Variants in SAMD12 observed in about 807,000 individuals in gnomAD.
The protein encoded by SAMD12 is sterile alpha motif domain containing 12, also known as sterile alpha motif domain-containing protein 12.
SAMD12 carries 9 observed loss-of-function variants against 15.0 expected under a neutral mutation model. The ratio of observed to expected loss-of-function variants is 0.60; its 90% CI spans 0.36 to 1.05. The LOEUF (loss-of-function observed/expected upper bound fraction) is 1.05, where lower values mean the gene tolerates loss of function less well. SAMD12 is among the 50% of genes least tolerant of loss of function. The pLI is 0.01. For missense variants in SAMD12, 230 were observed against 234.2 expected (o/e 0.98, Z 0.12); for synonymous variants, 86 against 90.1 (o/e 0.96, Z 0.25).
chr8:118,589,211 C>G (rs7823569), intron 1 of SAMD12, among the ~76,000 whole-genome samples: 15,355 of 152,140 alleles, frequency 0.1, 920 homozygotes, highest in African/African-American at 0.16. Context: ...TGCTATTGTC[C>G]TCACAAATCT....
the SAMD12 span, among the ~76,000 whole-genome samples, chr8:118,165,620 A>ATACATATATACATATATATATG: frequency 7.6e-6 from 1 of 132,300 alleles, no homozygotes; most frequent in South Asian, 2.6e-4. Context: ...ATATGTATAT[A>ATACATATATACATATATATATG]TATATATATA....
At chr8:118,293,558 C>G (rs1814534690) in intron 4 of SAMD12, among the ~76,000 whole-genome samples, 2 of 152,136 alleles carry the variant, frequency 1.3e-5, no homozygotes, top group African/African-American at 4.8e-5. Context: ...AATTTATGTT[C>G]TTAGGAAATT....
intron 4 of SAMD12, among the ~76,000 whole-genome samples, chr8:118,305,593 G>A (rs1815301191): frequency 6.6e-6 from 1 of 152,096 alleles, no homozygotes; most frequent in African/African-American, 2.4e-5. Flanking sequence ...GTGAACATTG[G>A]TGTACCAGTA....
chr8:118,578,080 T>C (rs558083041), intron 2 of SAMD12, among the ~76,000 whole-genome samples: 2 of 152,316 alleles, frequency 1.3e-5, no homozygotes, highest in Non-Finnish European at 2.9e-5. Flanking sequence ...GTGATGCTCT[T>C]ATACAGAGAC....
chr8:118,482,959 C>T lies in SAMD12; in HGVS notation c.193-42998G>A, dbSNP rs537214615. ...AGCCACGAGGAAGAGAAAGTAAATA[C>T]ATTTTATATTCAGTAAAATTGGCAA... On this transcript the variant is annotated intron_variant, in intron 2 of 3. Coordinates refer to ENST00000314727, the MANE Select transcript of SAMD12 (RefSeq NM_207506.3). 2.6e-5 allele frequency among the ~76,000 whole-genome samples: 4 copies of T among 152,268 alleles called. No homozygotes were observed. In the East Asian group the frequency reaches 5.8e-4, roughly 22 times the overall value.
At position 118,534,881 on chromosome 8, in the gene SAMD12, G is replaced by T. The variant is rs545934755; in HGVS notation, c.192+45834C>A. Among the ~76,000 whole-genome samples the T allele has an allele frequency of 2.6e-5, 4 of 152,096 alleles. 1 individual carries two copies. The highest frequency in any genetic ancestry group is 2.6e-4 in the Admixed American group (4 of 15,280). On this transcript the variant is annotated intron_variant, in intron 2 of 3. Transcript: ENST00000314727. ...CAAGATTTTTAGCTTCTTTGTGATGGGTTCGAACATCCTCCTTTAGCTTGG... is the reference window on the plus strand; with the variant it reads ...CAAGATTTTTAGCTTCTTTGTGATGTGTTCGAACATCCTCCTTTAGCTTGG...
chr8:118,497,811 A>G (rs1824669880), intron 2 of SAMD12, among the ~76,000 whole-genome samples: 1 of 151,834 alleles, frequency 6.6e-6, no homozygotes, highest in South Asian at 2.1e-4. Flanking sequence ...CATTTTGAGG[A>G]TGAATACACT....
chr8:118,500,125 C>T (rs904564592), intron 2 of SAMD12, among the ~76,000 whole-genome samples: 17 of 135,508 alleles, frequency 1.3e-4, no homozygotes, highest in Non-Finnish European at 2.0e-4. Flanking sequence ...GTTGCCCAGG[C>T]TGGAGGGCAA....
intron 4 of SAMD12, among the ~76,000 whole-genome samples, chr8:118,352,057 G>A (rs1392990547): frequency 1.3e-5 from 2 of 152,170 alleles, no homozygotes; most frequent in African/African-American, 4.8e-5. Context: ...CTTACGAGTA[G>A]CAAAACTATG....
chr8:118,338,636 G>A (rs544342733), intron 4 of SAMD12, among the ~76,000 whole-genome samples: 2 of 152,272 alleles, frequency 1.3e-5, no homozygotes, highest in South Asian at 2.1e-4. Context: ...CTACTTGAAG[G>A]CATTCAGAAT....
At chr8:118,482,327 C>T (rs1274076834) in intron 2 of SAMD12, among the ~76,000 whole-genome samples, 2 of 152,092 alleles carry the variant, frequency 1.3e-5, no homozygotes, top group Non-Finnish European at 2.9e-5. Flanking sequence ...TTAACTTGTC[C>T]CAACTCACTT....
rs73325621 is a variant in SAMD12, at chr8:118,343,192, G to A, written c.433+36368C>T. 9.4e-3 allele frequency among the ~76,000 whole-genome samples: 1,428 copies of A among 152,030 alleles called. 24 individuals carry two copies. The highest frequency in any genetic ancestry group is 0.033 in the African/African-American group (1,355 of 41,460). On this transcript the variant is annotated intron_variant, in intron 4 of 4. Coordinates refer to the SAMD12 transcript ENST00000409003. ...CACCCCGTGCACCAATCTTTCCCCA[G>A]TTCTCCTCTACTCAGCCACTTCCAA...
At chr8:118,198,565 A>G (rs1211686089) in intron 4 of SAMD12, among the ~76,000 whole-genome samples, 1 of 152,192 alleles carries the variant, frequency 6.6e-6, no homozygotes. Flanking sequence ...CTTGATGCAA[A>G]AGAAAAAAAA....
chr8:118,414,415 AT>A (rs919806093), intron 3 of SAMD12, among the ~76,000 whole-genome samples: 17 of 152,248 alleles, frequency 1.1e-4, no homozygotes, highest in African/African-American at 4.1e-4. Flanking sequence ...GAAATAGGAA[AT>A]AATCTTTTAA....
At chr8:118,301,666 C>A (rs772108032) in intron 4 of SAMD12, among the ~76,000 whole-genome samples, 17 of 152,258 alleles carry the variant, frequency 1.1e-4, no homozygotes, top group Non-Finnish European at 2.1e-4. Context: ...TGACATCTGT[C>A]GTGATGGATA....
intron 2 of SAMD12, among the ~76,000 whole-genome samples, chr8:118,529,415 TA>T (rs1825622997): frequency 6.6e-6 from 1 of 152,220 alleles, no homozygotes; most frequent in Admixed American, 6.5e-5. Context: ...TTTAGACATT[TA>T]GGGGATACAA....
intron 4 of SAMD12, among the ~76,000 whole-genome samples, chr8:118,249,248 C>A (rs1318063241): frequency 6.6e-6 from 1 of 152,134 alleles, no homozygotes; most frequent in Non-Finnish European, 1.5e-5. Context: ...TAATCATTTT[C>A]TTACACTAAA....
In SAMD12 at chr8:118,229,808, A is replaced by T. The variant is rs551546853; in HGVS notation, c.434-32076T>A. 5.9e-5 allele frequency among the ~76,000 whole-genome samples: 9 copies of T among 152,248 alleles called. No individual in the cohort carries two copies. In the East Asian group the frequency reaches 1.2e-3, roughly 20 times the overall value. ...TATAAGAAGACTTCCCCGGAATGAG[A>T]GGCCACACACGGCTGCCCTACCAGG... On this transcript the variant is annotated intron_variant, in intron 4 of 4. Coordinates refer to the SAMD12 transcript ENST00000409003.
At chr8:118,303,783 T>C (rs556930402) in intron 4 of SAMD12, among the ~76,000 whole-genome samples, 1 of 152,288 alleles carries the variant, frequency 6.6e-6, no homozygotes, top group East Asian at 1.9e-4. Flanking sequence ...AGGGTTTGTT[T>C]CTGCTTCTCT....
Sources: allele counts gnomAD v4.1 joint callset (sites outside exome capture counted in the v4.1 genomes callset), GRCh38; gene constraint gnomAD v4.1.1; transcripts MANE v1.5; gene names NCBI Gene and HGNC (gene_info 2026-07-23, HGNC 2026-07-21).